MYH16: variants seen among roughly 807,000 people sequenced by gnomAD.
The protein encoded by MYH16 is putative uncharacterized protein MYH16.
At chr7:99,256,519 A>G (rs1791874930) in intron 9 of MYH16, among the ~76,000 whole-genome samples, 2 of 152,050 alleles carry the variant, frequency 1.3e-5, no homozygotes, top group African/African-American at 4.8e-5. Context: ...CACAGCTGTA[A>G]TCCCAGCACT....
At chr7:99,291,610 C>A (rs1792377548) in intron 31 of MYH16, among the ~76,000 whole-genome samples, 160 bp downstream of exon 12, 1 of 109,520 alleles carries the variant, frequency 9.1e-6, no homozygotes, top group South Asian at 3.2e-4. Flanking sequence ...CCGAACAACA[C>A]AGCAAGACCC....
intron 12 of MYH16, chr7:99,261,370 C>T (rs981188037): frequency 6.5e-6 from 1 of 153,002 alleles, no homozygotes; most frequent in African/African-American, 2.4e-5. Context: ...TGCATCTCTA[C>T]ACTGGCCCTG....
At chr7:99,248,113 C>A (rs1051432754) in intron 3 of MYH16, among the ~76,000 whole-genome samples, 5 of 151,974 alleles carry the variant, frequency 3.3e-5, no homozygotes, top group African/African-American at 1.2e-4. Flanking sequence ...TGATTTTTTT[C>A]TTTATTTTGA....
intron 33 of MYH16, 43 bp from the exon 15 acceptor site, chr7:99,296,658 C>T (rs1357703118): frequency 6.6e-6 from 3 of 453,050 alleles, no homozygotes; most frequent in Non-Finnish European, 1.3e-5. Flanking sequence ...GGGACAGAGG[C>T]AAGGAGGTTG....
intron 30 of MYH16, 76 bp from the exon 12 acceptor site, chr7:99,291,247 A>G (rs1792369588): frequency 4.7e-6 from 2 of 430,034 alleles, no homozygotes; most frequent in Admixed American, 5.1e-5. Context: ...TTTAGGAGCA[A>G]TGCCCTGGGG....
At chr7:99,277,004 GAA>G (rs1007139706) in intron 20 of MYH16, among the ~76,000 whole-genome samples, 1 of 151,818 alleles carries the variant, frequency 6.6e-6, no homozygotes, top group Admixed American at 6.6e-5. Context: ...CAGAGACTGA[GAA>G]GAGAGGCAGA....
intron 2 of MYH16, among the ~76,000 whole-genome samples, chr7:99,246,605 G>A (rs1791734225): frequency 6.6e-6 from 1 of 152,146 alleles, no homozygotes; most frequent in African/African-American, 2.4e-5. Flanking sequence ...AAGAGGCTGA[G>A]GCAGGAGAAT....
intron 15 of MYH16, among the ~76,000 whole-genome samples, chr7:99,264,596 A>G (rs1791970245): frequency 6.6e-6 from 1 of 152,216 alleles, no homozygotes; most frequent in South Asian, 2.1e-4. Context: ...GGCTGGCCAC[A>G]ACTTCCATGA....
At chr7:99,246,788 T>C (rs1042421729) in intron 2 of MYH16, among the ~76,000 whole-genome samples, 1 of 151,832 alleles carries the variant, frequency 6.6e-6, no homozygotes, top group African/African-American at 2.4e-5. Context: ...GGGGTGGGCA[T>C]GGAGCAAGTG....
intron 18 of MYH16, among the ~76,000 whole-genome samples, chr7:99,270,568 C>T (rs1032836118): frequency 1.3e-5 from 2 of 151,618 alleles, no homozygotes; most frequent in Non-Finnish European, 2.9e-5. Context: ...CCACCCACCT[C>T]GGCCTCCCAA....
intron 5 of MYH16, chr7:99,250,127 C>T (rs1791793074): frequency 1.3e-5 from 2 of 152,682 alleles, no homozygotes; most frequent in African/African-American, 2.4e-5. Context: ...TTCTGTGACA[C>T]ACACAGTGGT....
chr7:99,278,581 A>G (rs1373088919), intron 21 of MYH16, among the ~76,000 whole-genome samples: 2 of 152,142 alleles, frequency 1.3e-5, no homozygotes, highest in African/African-American at 2.4e-5. Flanking sequence ...GCCCTGTAAG[A>G]CACTCGATTT....
chr7:99,271,369 C>T (rs1049812689), intron 19 of MYH16, among the ~76,000 whole-genome samples: 2 of 152,130 alleles, frequency 1.3e-5, no homozygotes, highest in African/African-American at 4.8e-5. Context: ...ATTAGCTGGG[C>T]GTGGTGGTGG....
intron 33 of MYH16, among the ~76,000 whole-genome samples, chr7:99,294,732 T>C (rs1792456171): frequency 6.6e-6 from 1 of 151,654 alleles, no homozygotes; most frequent in Non-Finnish European, 1.5e-5. Flanking sequence ...GCCCAGCTAA[T>C]TTTTTGTATT....
intron 18 of MYH16, among the ~76,000 whole-genome samples, chr7:99,267,447 CTCA>C (rs964874678): frequency 6.6e-6 from 1 of 152,196 alleles, no homozygotes; most frequent in Admixed American, 6.5e-5. Flanking sequence ...CCAGGCTAGT[CTCA>C]AACTCCTGGG....
intron 21 of MYH16, 45 bp downstream of exon 3, chr7:99,277,757 T>C (rs1390774880): frequency 2.4e-6 from 1 of 424,432 alleles, no homozygotes; most frequent in African/African-American, 2.0e-5. Flanking sequence ...CCATACAGCC[T>C]GGACCCTGGG....
At chr7:99,268,299 C>T (rs994891700) in intron 18 of MYH16, among the ~76,000 whole-genome samples, 3 of 152,184 alleles carry the variant, frequency 2.0e-5, no homozygotes, top group Admixed American at 6.5e-5. Context: ...TAGAAACCAA[C>T]GGGCCCCTCC....
chr7:99,241,746 A>G (rs1175836855), intron 1 of MYH16, among the ~76,000 whole-genome samples: 1 of 152,196 alleles, frequency 6.6e-6, no homozygotes, highest in Non-Finnish European at 1.5e-5. Flanking sequence ...AAATCCCAGT[A>G]TGGATTCAGG....
chr7:99,241,920 G>T (rs558518201), intron 1 of MYH16, among the ~76,000 whole-genome samples: 1 of 151,932 alleles, frequency 6.6e-6, no homozygotes, highest in South Asian at 2.1e-4. Context: ...GAGTGCAGCG[G>T]CATGATCTCC....
Sources: gnomAD v4.1 joint callset for allele counts (sites outside exome capture counted in the v4.1 genomes callset) on GRCh38, gnomAD v4.1.1 for gene constraint, MANE v1.5 for transcripts, NCBI Gene and HGNC (gene_info 2026-07-23, HGNC 2026-07-21) for gene names.